The following DMAP1 variants were observed in gnomAD, a reference collection of about 807,000 sequenced individuals.
DMAP1 encodes the protein DNA methyltransferase 1 associated protein 1.
A neutral mutation model predicts 52.7 loss-of-function variants in DMAP1; 26 were observed. The ratio of observed to expected loss-of-function variants is 0.49; its 90% CI spans 0.36 to 0.68. The LOEUF (loss-of-function observed/expected upper bound fraction) is 0.68, where lower values mean the gene tolerates loss of function less well. Among genes scored for constraint, DMAP1 ranks in the 30% least tolerant of loss-of-function variants. The probability of loss-of-function intolerance (pLI) is 0.00; values close to 1 mark genes in which losing one functional copy is unlikely to be tolerated. For synonymous variants in DMAP1, 231 were observed against 246.0 expected, an observed-to-expected ratio of 0.94 and a Z score of 0.57; for missense variants, 439 against 625.2, an observed-to-expected ratio of 0.70 and a Z score of 3.18.
At chr1:44,215,981 T>G (rs1643784619) in intron 3 of DMAP1, 2 of 152,578 alleles carry the variant, frequency 1.3e-5, no homozygotes, top group Admixed American at 6.5e-5. Flanking sequence ...CTAACCAATC[T>G]TTGTCCCTGG....
rs1449929153 is a variant in DMAP1 at position 44,218,800 on chromosome 1, T to TG, written c.720+46dup. The TG allele has an allele frequency of 1.3e-6, 2 of 1,557,138 alleles. No individual in the cohort carries two copies. The highest frequency in any genetic ancestry group is 1.7e-6 in the Non-Finnish European group (2 of 1,148,050). ...CCTGTCCTCCATGCCCCAAACCCCTTGCTCATTGTCTCCATCCTCCATCCC... is the reference window on the plus strand; with the variant it reads ...CCTGTCCTCCATGCCCCAAACCCCTTGGCTCATTGTCTCCATCCTCCATCCC... On this transcript the variant is annotated intron_variant, in intron 5 of 9. Transcript: ENST00000372289. This position sits in a 1 kb window ranked among gnomAD's most constrained non-coding sequence, Gnocchi z 5.6.
At chr1:44,219,313 G>A in intron 6 of DMAP1, 72 bp downstream of exon 6, 2 of 1,569,064 alleles carry the variant, frequency 1.3e-6, no homozygotes, top group African/African-American at 2.7e-5. Flanking sequence ...CGAGTGGAGG[G>A]TTCTGAGAGT....
At chr1:44,219,940 C>T in intron 8 of DMAP1, 62 bp downstream of exon 8, 3 of 1,611,756 alleles carry the variant, frequency 1.9e-6, no homozygotes, top group African/African-American at 1.3e-5. Flanking sequence ...ATAGGTTGGG[C>T]AGGGGGAGGG....
chr1:44,219,847 C>T lies in DMAP1; in HGVS notation c.1020C>T (p.Ala340=). Residue 340 remains alanine (A), a synonymous_variant, in exon 8 of 10, where the codon GCC becomes GCT. Transcript: ENST00000372289. ...CTGTGGGACAGAAGAAGATCAAGGC[C>T]CTGGAACAGATGCTGCTGGAGCTTG... The part of the protein sequence containing the change: ...PSSVGQKKIK[A]LEQMLLELGV... 1 of 1,614,182 alleles carries T rather than the reference C, an allele frequency of 6.2e-7. No homozygotes were observed. Among genetic ancestry groups the T allele is most frequent in the Non-Finnish European group, 8.5e-7 (1 of 1,180,038 alleles).
chr1:44,217,418 A>G (rs1034914904), intron 3 of DMAP1: 4 of 152,260 alleles, frequency 2.6e-5, no homozygotes, highest in South Asian at 2.1e-4. Context: ...ATGGAGACAG[A>G]AATTTTGGAG....
At position 44,220,154 on chromosome 1, in the gene DMAP1, G is replaced by A; in HGVS notation, c.1189G>A (p.Ala397Thr). 6.2e-7 allele frequency: 1 copy of A among 1,612,254 alleles called. No homozygotes were observed. The highest frequency in any genetic ancestry group is 8.5e-7 in the Non-Finnish European group (1 of 1,178,912). ...GCAGATGCTGCGGCACCGTCATGAG[G>A]CACTGGCCCGGGCTGGTGTGCTAGG... ...ELQMLRHRHE[A>T]LARAGVLGGP... Residue 397 changes from alanine (A) to threonine (T), a missense_variant, in exon 9 of 10, where the codon GCA becomes ACA. Transcript: ENST00000372289.
chr1:44,219,331 G>T, intron 6 of DMAP1, 75 bp from the exon 7 acceptor site: 1 of 1,552,606 alleles, frequency 6.4e-7, no homozygotes. Context: ...AGTACCCAGT[G>T]CTGATGGGGT....
In DMAP1 at chr1:44,213,496, G is replaced by A. The variant is rs1643724002; in HGVS notation, c.-258G>A. On this transcript the variant is annotated 5_prime_UTR_variant, in exon 1 of 10. The change creates a new upstream start codon in the 5' untranslated region. Coordinates refer to ENST00000372289, the MANE Select transcript of DMAP1 (RefSeq NM_019100.5). This position sits in a 1 kb window ranked among gnomAD's most constrained non-coding sequence, Gnocchi z 4.5. ...GCCGCGGCTTTGCGGGGACGGGGGA[G>A]TGGTAGTGGGGGCTGCAGCTGCCGG... 2.3e-6 allele frequency: 1 copy of A among 433,686 alleles called. No individual in the cohort carries two copies. Among genetic ancestry groups the A allele is most frequent in the Non-Finnish European group, 4.2e-6 (1 of 239,420 alleles). The allele number at this position is 433,686 out of a possible 1,614,324, so 26.9% of individuals were successfully genotyped here.
Position 44,220,488 on chromosome 1 carries a change from G to A in DMAP1, c.1345-71G>A, listed in dbSNP as rs566245655. ...TGGGCGTCCTTGTCCCTGAGCGTGTGAAGCACATGCACTAAGCCTGACTCA... is the reference window on the plus strand; with the variant it reads ...TGGGCGTCCTTGTCCCTGAGCGTGTAAAGCACATGCACTAAGCCTGACTCA... On this transcript the variant is annotated intron_variant, in intron 9 of 9. Coordinates refer to ENST00000372289, the MANE Select transcript of DMAP1 (RefSeq NM_019100.5). 888 of 1,613,152 alleles carry A rather than the reference G, an allele frequency of 5.5e-4. 2 individuals are homozygous for A. The highest frequency in any genetic ancestry group is 7.1e-4 in the Non-Finnish European group (836 of 1,179,264).
At chr1:44,219,305 A>G in intron 6 of DMAP1, 64 bp downstream of exon 6, 1 of 1,577,740 alleles carries the variant, frequency 6.3e-7, no homozygotes, top group Non-Finnish European at 8.6e-7. Flanking sequence ...CCTCACCCCG[A>G]GTGGAGGGTT....
intron 7 of DMAP1, 71 bp downstream of exon 7, chr1:44,219,548 T>A (rs1643867557): frequency 2.8e-6 from 4 of 1,438,028 alleles, no homozygotes; most frequent in Middle Eastern, 4.3e-4. Flanking sequence ...TCCCAAACGC[T>A]GCAGGCAGGT....
chr1:44,219,902 T>G (rs775839842), intron 8 of DMAP1, 24 bp downstream of exon 8: 3 of 1,613,976 alleles, frequency 1.9e-6, no homozygotes, highest in African/African-American at 1.3e-5. Context: ...CTGGGCCCCA[T>G]AGGGTGTACC....
In DMAP1 at chr1:44,214,826, C is replaced by T. The variant is rs765858438; in HGVS notation, c.321C>T (p.Asp107=). ...CATTCACCAACCCGGCCCGCAAGGA[C>T]GGAGCAATGTTCTTCCACTGGCGAC... ...WMPFTNPARK[D]GAMFFHWRRA... is the part of the protein sequence containing the mutation. The change falls in exon 3 of 10, where the codon GAC becomes GAT. Residue 107 remains aspartate (D), a synonymous_variant. Coordinates refer to ENST00000372289, the MANE Select transcript of DMAP1 (RefSeq NM_019100.5). The T allele has an allele frequency of 1.2e-5, 19 of 1,614,184 alleles. No homozygotes were observed. The Admixed American group carries it at 1.5e-4, about 13-fold the overall frequency.
chr1:44,218,917 G>A lies in DMAP1; in HGVS notation c.721-139G>A, dbSNP rs1449991805. ...CTACTTCTCATGGGCCATCCCCCCT[G>A]CTTTTCATAGCCCTTCACCTCCCTC... On this transcript the variant is annotated intron_variant, in intron 5 of 9. Transcript: ENST00000372289. This position sits in a 1 kb window ranked among gnomAD's most constrained non-coding sequence, Gnocchi z 5.6. 3 of 1,403,480 alleles carry A rather than the reference G, an allele frequency of 2.1e-6. No homozygotes were observed. The highest frequency in any genetic ancestry group is 4.4e-5 in the Admixed American group (2 of 45,634). The allele number at this position is 1,403,480 out of a possible 1,614,324, so 86.9% of individuals were successfully genotyped here. A position where few individuals can be genotyped will look rare whatever the true frequency, so the allele number is the denominator to read the frequency against.
In DMAP1 at chr1:44,213,605, A is replaced by G. The variant is rs558716929; in HGVS notation, c.-149A>G. 1 of 660,200 alleles carries G rather than the reference A, an allele frequency of 1.5e-6. No individual in the cohort carries two copies. Among genetic ancestry groups the G allele is most frequent in the East Asian group, 2.8e-5 (1 of 35,328 alleles). The allele number at this position is 660,200 out of a possible 1,614,324, so 40.9% of individuals were successfully genotyped here. A position where few individuals can be genotyped will look rare whatever the true frequency, so the allele number is the denominator to read the frequency against. On this transcript the variant is annotated 5_prime_UTR_variant, in exon 1 of 10. Coordinates refer to ENST00000372289, the MANE Select transcript of DMAP1 (RefSeq NM_019100.5). This position sits in a 1 kb window ranked among gnomAD's most constrained non-coding sequence, Gnocchi z 4.5. ...GCGGTGGGGCACAGGCAGATCCCCG[A>G]CCTGACCTGGACCACCCTTCTCCTC...
intron 7 of DMAP1, 129 bp from the exon 8 acceptor site, chr1:44,219,677 T>C (rs1643869546): frequency 6.2e-6 from 8 of 1,283,530 alleles, no homozygotes; most frequent in South Asian, 1.4e-5. Flanking sequence ...GGCTATTTCC[T>C]TTTCTGGCCC....
chr1:44,213,727 C>A lies in DMAP1; in HGVS notation c.-27C>A. ...TCTTCAGGCACTGACCCTTGACCTC[C>A]GGTGGCTCCCCCATCTCTCAGGCGC... On this transcript the variant is annotated 5_prime_UTR_variant, in exon 1 of 10. Coordinates refer to ENST00000372289, the MANE Select transcript of DMAP1 (RefSeq NM_019100.5). The surrounding 1 kb of genome is among the most constrained non-coding windows in gnomAD (Gnocchi z 4.5). The A allele has an allele frequency of 2.6e-6, 4 of 1,556,250 alleles. No homozygotes were observed. The highest frequency in any genetic ancestry group is 3.5e-6 in the Non-Finnish European group (4 of 1,149,394).
At position 44,218,049 on chromosome 1, in the gene DMAP1, G is replaced by T; in HGVS notation, c.394-262G>T. On this transcript the variant is annotated intron_variant, in intron 3 of 9. Coordinates refer to ENST00000372289, the MANE Select transcript of DMAP1 (RefSeq NM_019100.5). This position sits in a 1 kb window ranked among gnomAD's most constrained non-coding sequence, Gnocchi z 5.6. ...GTGGGCCCCTCACCTTAACTATGGG[G>T]GCAGGAGTGTGTGTCCCATGACTGA... The T allele has an allele frequency of 1.8e-6, 1 of 571,052 alleles. No homozygotes were observed. 35.4% of individuals were successfully genotyped at this position (571,052 alleles called of 1,614,324 possible).
At chr1:44,214,188 G>A (rs754399082) in intron 1 of DMAP1, among the ~76,000 whole-genome samples, 162 bp from the exon 2 acceptor site, 12 of 152,202 alleles carry the variant, frequency 7.9e-5, no homozygotes, top group Non-Finnish European at 1.3e-4. Flanking sequence ...TGATTTGGGC[G>A]TAGGATGGTG....
Sources: allele counts gnomAD v4.1 joint callset (sites outside exome capture counted in the v4.1 genomes callset), GRCh38; gene constraint gnomAD v4.1.1; non-coding constraint Gnocchi (gnomAD v3.1); transcripts MANE v1.5; gene names NCBI Gene and HGNC (gene_info 2026-07-23, HGNC 2026-07-21).